FILIP1: variants seen among roughly 807,000 people sequenced by gnomAD.
The protein encoded by FILIP1 is filamin-A-interacting protein 1.
A neutral mutation model predicts 102.1 loss-of-function variants in FILIP1; 61 were observed. That is an observed-to-expected ratio of 0.60 (90% CI 0.49 to 0.74). The LOEUF is 0.74. FILIP1 is among the 30% of genes least tolerant of loss of function. FILIP1 has a pLI of 0.00. For synonymous variants in FILIP1, 491 were observed against 526.9 expected (o/e 0.93, Z 0.93); for missense variants, 1,314 against 1,441.2 (o/e 0.91, Z 1.43).
chr6:75,368,290 G>A (rs1300534488), intron 2 of FILIP1, among the ~76,000 whole-genome samples: 1 of 152,182 alleles, frequency 6.6e-6, no homozygotes, highest in Non-Finnish European at 1.5e-5. Context: ...GAGGCCTAGG[G>A]CCCACAGGTG....
At chr6:75,360,631 G>GA (rs1446392864) in intron 3 of FILIP1, 3 of 152,248 alleles carry the variant, frequency 2.0e-5, no homozygotes, top group Non-Finnish European at 4.4e-5. Context: ...AAGAAGGGCA[G>GA]AGAGATTTAA....
chr6:75,343,748 T>C (rs757529784), intron 4 of FILIP1, among the ~76,000 whole-genome samples: 21 of 152,194 alleles, frequency 1.4e-4, no homozygotes, highest in Non-Finnish European at 2.4e-4. Context: ...CACAAGGAAA[T>C]AGAAAATACT....
intron 4 of FILIP1, among the ~76,000 whole-genome samples, chr6:75,343,410 A>G (rs569951494): frequency 1.3e-5 from 2 of 152,218 alleles, no homozygotes; most frequent in African/African-American, 4.8e-5. Flanking sequence ...TGGGTTTTAT[A>G]TTACTCTCCA....
At chr6:75,366,258 A>C (rs1262715385) in intron 2 of FILIP1, among the ~76,000 whole-genome samples, 1 of 152,230 alleles carries the variant, frequency 6.6e-6, no homozygotes, top group Non-Finnish European at 1.5e-5. Flanking sequence ...TTAGTTATGG[A>C]TAAAGGTAAT....
At chr6:75,479,530 G>T (rs1452698943) in intron 1 of FILIP1, among the ~76,000 whole-genome samples, 1 of 152,048 alleles carries the variant, frequency 6.6e-6, no homozygotes, top group Non-Finnish European at 1.5e-5. Flanking sequence ...AATTATTTAT[G>T]TCATTTGTCA....
chr6:75,346,741 C>A lies in FILIP1; in HGVS notation c.629+6798G>T, dbSNP rs376665605. On this transcript the variant is annotated intron_variant, in intron 4 of 5. Coordinates refer to ENST00000237172, the MANE Select transcript of FILIP1 (RefSeq NM_015687.5). ...CCCACCTTATCATCCAAAACAGACA[C>A]CCCAGCTAGGGGTAACACCTCATCA... Among the ~76,000 whole-genome samples the A allele has an allele frequency of 4.3e-4, 65 of 152,268 alleles. No homozygotes were observed. The Middle Eastern group carries it at 0.017, about 40-fold the overall frequency.
chr6:75,325,625 A>G (rs1375240775), intron 4 of FILIP1, among the ~76,000 whole-genome samples: 2 of 152,238 alleles, frequency 1.3e-5, no homozygotes, highest in African/African-American at 4.8e-5. Flanking sequence ...ACAGCCAACA[A>G]ACATTTGGAA....
At chr6:75,365,116 C>G (rs1775285827) in intron 2 of FILIP1, among the ~76,000 whole-genome samples, 1 of 152,032 alleles carries the variant, frequency 6.6e-6, no homozygotes, top group African/African-American at 2.4e-5. Context: ...GAAGTAAAGG[C>G]CATTTTCTAA....
intron 1 of FILIP1, among the ~76,000 whole-genome samples, chr6:75,461,988 G>A (rs1779037159): frequency 6.6e-6 from 1 of 152,146 alleles, no homozygotes; most frequent in African/African-American, 2.4e-5. Flanking sequence ...GCTGCCCCAG[G>A]CCATCCAGAT....
chr6:75,325,813 T>C lies in FILIP1; in HGVS notation c.630-10611A>G, dbSNP rs1462116443. On this transcript the variant is annotated intron_variant, in intron 4 of 5. Transcript: ENST00000237172. ...CACTTTTTTACACTGCTGGTGGGAA[T>C]GTAAACTAGTACAACCACTATGGAA... Among the ~76,000 whole-genome samples the C allele has an allele frequency of 2.0e-5, 3 of 152,330 alleles. No individual in the cohort carries two copies. The East Asian group carries it at 5.8e-4, about 29-fold the overall frequency.
In FILIP1 at chr6:75,463,073, G is replaced by A. The variant is rs138776707; in HGVS notation, c.-7+30341C>T. Among the ~76,000 whole-genome samples the A allele has an allele frequency of 3.4e-3, 513 of 152,278 alleles. 7 individuals are homozygous for A. Among genetic ancestry groups the A allele is most frequent in the African/African-American group, 0.012 (494 of 41,572 alleles). On this transcript the variant is annotated intron_variant, in intron 1 of 5. Transcript: ENST00000237172. ...AAGAAATGTGAAGATGATACACTTG[G>A]CTCTTGGTAGAGAGTAAACAGATTA...
At chr6:75,456,948 G>A (rs1305861510) in intron 1 of FILIP1, among the ~76,000 whole-genome samples, 1 of 152,164 alleles carries the variant, frequency 6.6e-6, no homozygotes, top group Non-Finnish European at 1.5e-5. Flanking sequence ...TTGTAAAAGA[G>A]AGGAAAAATT....
At chr6:75,376,665 C>G (rs1775763177) in intron 2 of FILIP1, among the ~76,000 whole-genome samples, 5 of 152,138 alleles carry the variant, frequency 3.3e-5, no homozygotes. Context: ...TAACCAAAAG[C>G]CTTTCCATAA....
rs976733360 is a variant in FILIP1, at chr6:75,439,708, G to A, written c.-6-24730C>T. On this transcript the variant is annotated intron_variant, in intron 1 of 5. Transcript: ENST00000237172. ...TTGAGGAGAATGTCCTGGAGAGCAA[G>A]TGTCATATTATTTGACAAAGGTCAC... Among the ~76,000 whole-genome samples the A allele has an allele frequency of 3.9e-5, 6 of 152,224 alleles. No homozygotes were observed. The East Asian group carries it at 9.6e-4, about 24-fold the overall frequency.
At position 75,314,803 on chromosome 6, in the gene FILIP1, C is replaced by T. The variant is rs754574242; in HGVS notation, c.1029G>A (p.Glu343=). 2.5e-5 allele frequency: 40 copies of T among 1,613,944 alleles called. No homozygotes were observed. The South Asian group carries it at 4.1e-4, about 16-fold the overall frequency. The change falls in exon 5 of 6, where the codon GAG becomes GAA. Residue 343 remains glutamate (E), a synonymous_variant. Transcript: ENST00000237172. ...GATTTTTGTTGGTCTCTTCTAGCTC[C>T]TCGATTCTTTGGGTTAAGCCAACCA... is the stretch of plus-strand genomic sequence containing the variant. The part of the protein sequence containing the change: ...LKLVGLTQRI[E]ELEETNKNLQ...
rs201550031 is a variant in FILIP1, at chr6:75,319,044, ATCT to A, written c.630-3845_630-3843del. 3,804 of 681,256 alleles carry A rather than the reference ATCT, an allele frequency of 5.6e-3. 110 individuals are homozygous for A. The African/African-American group carries it at 0.061, about 11-fold the overall frequency. The allele number at this position is 681,256 out of a possible 1,614,324, so 42.2% of individuals were successfully genotyped here. A position where few individuals can be genotyped will look rare whatever the true frequency, so the allele number is the denominator to read the frequency against. ...TAGAACCAACTTATTCATCATCGTC[ATCT>A]TCTTCATCTTCATCTTCTTCACCTT... is the stretch of plus-strand genomic sequence containing the variant. On this transcript the variant is annotated intron_variant, in intron 4 of 5. Transcript: ENST00000237172.
At chr6:75,317,378 T>C (rs560172414) in intron 4 of FILIP1, among the ~76,000 whole-genome samples, 4 of 152,282 alleles carry the variant, frequency 2.6e-5, no homozygotes, top group South Asian at 2.1e-4. Context: ...GTTGTGAAGA[T>C]TAATTGAAAT....
intron 4 of FILIP1, among the ~76,000 whole-genome samples, chr6:75,328,298 T>C (rs950019998): frequency 1.3e-5 from 2 of 152,178 alleles, no homozygotes; most frequent in African/African-American, 4.8e-5. Context: ...TAGAAGTACA[T>C]ATTGAAATAT....
intron 2 of FILIP1, among the ~76,000 whole-genome samples, chr6:75,372,197 G>A (rs113233106): frequency 0.012 from 1,761 of 151,890 alleles, 36 homozygotes; most frequent in African/African-American, 0.041. Context: ...GAGAAACCCC[G>A]TCTCTACTAA....
Sources: allele counts gnomAD v4.1 joint callset (sites outside exome capture counted in the v4.1 genomes callset), GRCh38; gene constraint gnomAD v4.1.1; transcripts MANE v1.5; gene names NCBI Gene and HGNC (gene_info 2026-07-23, HGNC 2026-07-21).